Variants in ZNF549 observed in about 807,000 individuals in gnomAD.
The protein encoded by ZNF549 is zinc finger protein 549.
A neutral mutation model predicts 11.1 loss-of-function variants in ZNF549; 11 were observed. The ratio of observed to expected loss-of-function variants is 0.99; its 90% CI spans 0.62 to 1.64. The LOEUF (loss-of-function observed/expected upper bound fraction) is 1.64. ZNF549 is among the 40% of genes most tolerant of loss of function. The pLI is 0.00. For synonymous variants in ZNF549, 266 were observed against 269.1 expected, an observed-to-expected ratio of 0.99 and a Z score of 0.11; for missense variants, 748 against 765.1, an observed-to-expected ratio of 0.98 and a Z score of 0.26.
Position 57,538,853 on chromosome 19 carries a change from A to G in ZNF549, c.1849A>G (p.Lys617Glu). 1 of 1,613,106 alleles carries G rather than the reference A, an allele frequency of 6.2e-7. No individual in the cohort carries two copies. Among genetic ancestry groups the G allele is most frequent in the Non-Finnish European group, 8.5e-7 (1 of 1,180,038 alleles). ...CGGAGAAAAGCCGTATGAATGTGGT[A>G]AATGTGGGAAAGCCTTCAACAAAAG... ...HTGEKPYECG[K>E]CGKAFNKRYS... Residue 617 changes from lysine (K) to glutamate (E), a missense_variant, in exon 4 of 4, where the codon AAA becomes GAA. Coordinates refer to ENST00000376233, the MANE Select transcript of ZNF549 (RefSeq NM_001199295.2).
chr19:57,530,720 C>T (rs185145378), intron 1 of ZNF549, among the ~76,000 whole-genome samples: 41 of 152,132 alleles, frequency 2.7e-4, no homozygotes, highest in African/African-American at 9.6e-4. Flanking sequence ...AAAGACACTA[C>T]ATATTTATTA....
rs374580008 is a variant in ZNF549, at chr19:57,527,633, C to G, written c.33+27C>G. 4.3e-6 allele frequency: 7 copies of G among 1,611,638 alleles called. No homozygotes were observed. The African/African-American group carries it at 9.4e-5, about 22-fold the overall frequency. Reference sequence around the variant, plus strand: ...TGAGAGCGGAGTCCTCGGATCCTCACCTGGGTCCTGAGGCCCCGGACTGGG... The same window carrying G: ...TGAGAGCGGAGTCCTCGGATCCTCAGCTGGGTCCTGAGGCCCCGGACTGGG... On this transcript the variant is annotated intron_variant, in intron 1 of 3. Coordinates refer to ENST00000376233, the MANE Select transcript of ZNF549 (RefSeq NM_001199295.2).
At position 57,537,224 on chromosome 19, in the gene ZNF549, G is replaced by T; in HGVS notation, c.220G>T (p.Ala74Ser). The T allele has an allele frequency of 6.2e-7, 1 of 1,613,596 alleles. No homozygotes were observed. Among genetic ancestry groups the T allele is most frequent in the Non-Finnish European group, 8.5e-7 (1 of 1,179,710 alleles). ...TTTAGGTTGTTTGCATGGAATAGAG[G>T]CTGAGGAGGCCCCTTCTGAGCAGAC... is the stretch of plus-strand genomic sequence containing the variant. ...ASVGCLHGIE[A>S]EEAPSEQTLS... Residue 74 changes from alanine (A) to serine (S), a missense_variant, in exon 4 of 4, where the codon GCT (alanine) becomes TCT (serine). Coordinates refer to ENST00000376233, the MANE Select transcript of ZNF549 (RefSeq NM_001199295.2).
At chr19:57,527,767 GC>G (rs1255882238) in intron 1 of ZNF549, among the ~76,000 whole-genome samples, 161 bp downstream of exon 1, 1 of 152,206 alleles carries the variant, frequency 6.6e-6, no homozygotes, top group Non-Finnish European at 1.5e-5. Flanking sequence ...GGAGAGCGTT[GC>G]GTACCGTGGG....
rs114683945 is a variant in ZNF549 at position 57,527,878 on chromosome 19, G to C, written c.33+272G>C. ...CAGGGAGCAGAGAGAATGAGGAGAA[G>C]AAGGCACGGCTGCCATGGCAGCCTG... On this transcript the variant is annotated intron_variant, in intron 1 of 3. Coordinates refer to ENST00000376233, the MANE Select transcript of ZNF549 (RefSeq NM_001199295.2). Among the ~76,000 whole-genome samples the C allele has an allele frequency of 4.0e-3, 614 of 152,328 alleles. 3 individuals are homozygous for C. Among genetic ancestry groups the C allele is most frequent in the African/African-American group, 0.014 (581 of 41,578 alleles).
chr19:57,538,581 A>C lies in ZNF549; in HGVS notation c.1577A>C (p.Glu526Ala). 6.2e-7 allele frequency: 1 copy of C among 1,614,202 alleles called. No homozygotes were observed. The highest frequency in any genetic ancestry group is 1.1e-5 in the South Asian group (1 of 91,084). ...CAGCACCAAAGAATCCATACTAGAG[A>C]ACAACTTTGTGAGTGCAATGAATGT... ...LLQHQRIHTR[E>A]QLCECNECGK... The change falls in exon 4 of 4, where the codon GAA becomes GCA. Residue 526 changes from glutamate to alanine, a missense_variant. Coordinates refer to ENST00000376233, the MANE Select transcript of ZNF549 (RefSeq NM_001199295.2).
chr19:57,538,699 C>G lies in ZNF549; in HGVS notation c.1695C>G (p.Cys565Trp), dbSNP rs776705752. 2.5e-6 allele frequency: 4 copies of G among 1,614,072 alleles called. No homozygotes were observed. The Admixed American group carries it at 6.7e-5, about 27-fold the overall frequency. ...GTGAGTGCAGTGAATGTGGGAAATG[C>G]TTTAGACACCGCACCAGCCTCATTC... ...KPCECSECGK[C>W]FRHRTSLIQH... The change falls in exon 4 of 4, where the codon TGC (cysteine) becomes TGG (tryptophan). Residue 565 changes from cysteine (C) to tryptophan (W), a missense_variant. Coordinates refer to ENST00000376233, the MANE Select transcript of ZNF549 (RefSeq NM_001199295.2).
chr19:57,530,974 G>C (rs1213376123), intron 1 of ZNF549, 96 bp from the exon 2 acceptor site: 1 of 1,179,042 alleles, frequency 8.5e-7, no homozygotes. Flanking sequence ...AGAGAGGTTA[G>C]GTCTTTGTCT....
rs1568590905 is a variant in ZNF549 at position 57,538,218 on chromosome 19, T to C, written c.1214T>C (p.Leu405Pro). The C allele has an allele frequency of 1.2e-6, 2 of 1,614,152 alleles. No homozygotes were observed. The highest frequency in any genetic ancestry group is 1.7e-6 in the Non-Finnish European group (2 of 1,180,032). The change falls in exon 4 of 4, where the codon CTT becomes CCT. Residue 405 changes from leucine (L) to proline (P), a missense_variant. Coordinates refer to ENST00000376233, the MANE Select transcript of ZNF549 (RefSeq NM_001199295.2). ...GKSFIYKQSLLDHHRIHTGER... is the reference protein window; with the variant it reads ...GKSFIYKQSLPDHHRIHTGER... ...TCCTTCATATACAAACAGTCACTTCTTGATCACCATAGAATCCACACGGGA... is the reference window on the plus strand; with the variant it reads ...TCCTTCATATACAAACAGTCACTTCCTGATCACCATAGAATCCACACGGGA...
In ZNF549 at chr19:57,538,744, T is replaced by A; in HGVS notation, c.1740T>A (p.Ser580Arg). ...TCATTCAACACCAGAAAGTTCACAG[T>A]GGAGAGAGGCCTTATAACTGCACTG... ...TSLIQHQKVH[S>R]GERPYNCTAC... The change falls in exon 4 of 4, where the codon AGT becomes AGA. Residue 580 changes from serine to arginine, a missense_variant. Coordinates refer to ENST00000376233, the MANE Select transcript of ZNF549 (RefSeq NM_001199295.2). 1.2e-6 allele frequency: 2 copies of A among 1,614,172 alleles called. No homozygotes were observed. The highest frequency in any genetic ancestry group is 1.7e-6 in the Non-Finnish European group (2 of 1,180,024).
chr19:57,532,206 A>G (rs990706992), intron 2 of ZNF549, among the ~76,000 whole-genome samples: 2 of 152,196 alleles, frequency 1.3e-5, no homozygotes, highest in African/African-American at 4.8e-5. Context: ...TATTTCTAGT[A>G]AATTTATTAA....
At chr19:57,529,582 C>T (rs1303124171) in intron 1 of ZNF549, among the ~76,000 whole-genome samples, 1 of 152,196 alleles carries the variant, frequency 6.6e-6, no homozygotes, top group African/African-American at 2.4e-5. Flanking sequence ...GATTTCCTCA[C>T]ACTACTTACA....
intron 2 of ZNF549, among the ~76,000 whole-genome samples, chr19:57,533,475 CA>C (rs1467981440): frequency 1.3e-5 from 2 of 152,116 alleles, no homozygotes; most frequent in African/African-American, 4.8e-5. Context: ...ATTGCTATGG[CA>C]TATTTTAAAA....
rs1157794232 is a variant in ZNF549, at chr19:57,538,318, T to A, written c.1314T>A (p.Ile438=). The A allele has an allele frequency of 6.2e-7, 1 of 1,611,120 alleles. No individual in the cohort carries two copies. The highest frequency in any genetic ancestry group is 8.5e-7 in the Non-Finnish European group (1 of 1,179,192). ...HKKRLLEHQR[I]HTGEKPYVCI... is the part of the protein sequence containing the mutation. Reference sequence around the variant, plus strand: ...AAAGACTTCTTGAGCACCAGAGAATTCATACTGGAGAAAAGCCTTATGTGT... The same window carrying A: ...AAAGACTTCTTGAGCACCAGAGAATACATACTGGAGAAAAGCCTTATGTGT... Residue 438 remains isoleucine (I), a synonymous_variant, in exon 4 of 4, where the codon ATT becomes ATA. Transcript: ENST00000376233.
At chr19:57,534,843 C>T (rs150475266) in intron 2 of ZNF549, among the ~76,000 whole-genome samples, 41 of 152,312 alleles carry the variant, frequency 2.7e-4, no homozygotes, top group African/African-American at 8.9e-4. Flanking sequence ...GTAGCAGTCA[C>T]GATCTGGAGA....
chr19:57,538,531 C>CTTCT lies in ZNF549; in HGVS notation c.1528_1531dup (p.Tyr511PhefsTer4). On this transcript the variant is annotated frameshift_variant, in exon 4 of 4. Coordinates refer to ENST00000376233, the MANE Select transcript of ZNF549 (RefSeq NM_001199295.2). LOFTEE classifies it low-confidence loss of function (END_TRUNC). ...ATGAATGCAGTGAATGTGGAAAAGG[C>CTTCT]TTCTACCTTGAGGTTAAACTTCTTC... 6.2e-7 allele frequency: 1 copy of CTTCT among 1,614,192 alleles called. No homozygotes were observed. The highest frequency in any genetic ancestry group is 8.5e-7 in the Non-Finnish European group (1 of 1,180,032).
rs756979328 is a variant in ZNF549, at chr19:57,537,273, A to G, written c.269A>G (p.Gln90Arg). ...EQTLSAQGVSQARTPKLGPSI... is the reference protein window; with the variant it reads ...EQTLSAQGVSRARTPKLGPSI... ...ACTCTTTCTGCGCAAGGAGTGTCAC[A>G]GGCCAGGACTCCAAAGCTAGGTCCT... Residue 90 changes from glutamine (Q) to arginine (R), a missense_variant, in exon 4 of 4, where the codon CAG becomes CGG. Coordinates refer to ENST00000376233, the MANE Select transcript of ZNF549 (RefSeq NM_001199295.2). The G allele has an allele frequency of 1.2e-6, 2 of 1,614,210 alleles. No individual in the cohort carries two copies. The highest frequency in any genetic ancestry group is 1.1e-5 in the South Asian group (1 of 91,086).
Position 57,527,564 on chromosome 19 carries a change from C to G in ZNF549, c.-10C>G. The G allele has an allele frequency of 6.2e-7, 1 of 1,613,626 alleles. No homozygotes were observed. The highest frequency in any genetic ancestry group is 8.5e-7 in the Non-Finnish European group (1 of 1,179,936). On this transcript the variant is annotated 5_prime_UTR_variant, in exon 1 of 4. Transcript: ENST00000376233. ...CCCGCCTTTCCAGGCCCCGCCCCGCCTAAAGTCCCATGGCCGAGGCAGCGC... is the reference window on the plus strand; with the variant it reads ...CCCGCCTTTCCAGGCCCCGCCCCGCGTAAAGTCCCATGGCCGAGGCAGCGC...
At position 57,531,923 on chromosome 19, in the gene ZNF549, A is replaced by G. The variant is rs1015748454; in HGVS notation, c.72+815A>G. The stretch of plus-strand genomic sequence containing the variant: ...TAACCAGTAGTAAGTGAAACCATGG[A>G]AAACAAAATTGTGGCTAAGATCGGG... On this transcript the variant is annotated intron_variant, in intron 2 of 3. Coordinates refer to ENST00000376233, the MANE Select transcript of ZNF549 (RefSeq NM_001199295.2). 7.9e-5 allele frequency among the ~76,000 whole-genome samples: 12 copies of G among 152,248 alleles called. No individual in the cohort carries two copies. In the East Asian group the frequency reaches 2.1e-3, roughly 27 times the overall value.
Sources: allele counts gnomAD v4.1 joint callset (sites outside exome capture counted in the v4.1 genomes callset), GRCh38; gene constraint gnomAD v4.1.1; transcripts MANE v1.5; gene names NCBI Gene and HGNC (gene_info 2026-07-23, HGNC 2026-07-21).